Variants in NKAIN2 observed in about 807,000 individuals in gnomAD.
NKAIN2 encodes sodium/potassium transporting ATPase interacting 2, also known as sodium/potassium-transporting ATPase subunit beta-1-interacting protein 2.
In NKAIN2, 14 loss-of-function variants were observed where a neutral mutation model predicts 32.6. The observed-to-expected ratio is 0.43, with a 90% CI of 0.28 to 0.67. The LOEUF is 0.67. NKAIN2 is among the 30% of genes least tolerant of loss of function. The probability of loss-of-function intolerance (pLI) is 0.17; values close to 1 mark genes in which losing one functional copy is unlikely to be tolerated. For synonymous variants in NKAIN2, 80 were observed against 87.2 expected, an observed-to-expected ratio of 0.92 and a Z score of 0.46; for missense variants, 198 against 258.3, an observed-to-expected ratio of 0.77 and a Z score of 1.60.
chr6:124,767,057 G>A (rs965873394), intron 4 of NKAIN2, among the ~76,000 whole-genome samples: 3 of 151,942 alleles, frequency 2.0e-5, no homozygotes, highest in Non-Finnish European at 2.9e-5. Context: ...ATCACGCCCG[G>A]GTAATTTTTT....
At position 123,904,466 on chromosome 6, in the gene NKAIN2, A is replaced by G. The variant is rs573059556; in HGVS notation, c.54+100212A>G. 2.6e-5 allele frequency among the ~76,000 whole-genome samples: 4 copies of G among 152,296 alleles called. No homozygotes were observed. In the East Asian group the frequency reaches 7.7e-4, roughly 29 times the overall value. On this transcript the variant is annotated intron_variant, in intron 1 of 6. Transcript: ENST00000368417. Reference sequence around the variant, plus strand: ...ACAGATCTGGGCCACTATGATAATCATAATACATTAGATTTACCTAATGGT... The same window carrying G: ...ACAGATCTGGGCCACTATGATAATCGTAATACATTAGATTTACCTAATGGT...
intron 1 of NKAIN2, among the ~76,000 whole-genome samples, chr6:124,089,576 A>G (rs1784335079): frequency 6.6e-6 from 1 of 151,724 alleles, no homozygotes; most frequent in Admixed American, 6.6e-5. Context: ...TGTATAATTC[A>G]TTTCTGCTTC....
chr6:123,839,307 A>G (rs952058348), intron 1 of NKAIN2, among the ~76,000 whole-genome samples: 1 of 151,974 alleles, frequency 6.6e-6, no homozygotes, highest in Non-Finnish European at 1.5e-5. Flanking sequence ...AATTTTTAGT[A>G]CTTTAAGAAA....
intron 3 of NKAIN2, among the ~76,000 whole-genome samples, chr6:124,532,759 C>A (rs1779571044): frequency 6.6e-6 from 1 of 152,212 alleles, no homozygotes. Context: ...CTAGGCTGAT[C>A]CTGGGAGCTA....
chr6:124,785,219 T>G (rs1014404555), intron 4 of NKAIN2, among the ~76,000 whole-genome samples: 1 of 152,172 alleles, frequency 6.6e-6, no homozygotes, highest in Admixed American at 6.6e-5. Flanking sequence ...CCTCCACATT[T>G]TTCAGTTCTA....
intron 3 of NKAIN2, among the ~76,000 whole-genome samples, chr6:124,447,720 A>C (rs1440166467): frequency 6.6e-6 from 1 of 152,148 alleles, no homozygotes; most frequent in Non-Finnish European, 1.5e-5. Context: ...ACTTCTGCAT[A>C]ATTGCATCCC....
chr6:124,454,158 C>T (rs2552085), intron 3 of NKAIN2, among the ~76,000 whole-genome samples: 15,420 of 149,822 alleles, frequency 0.1, 1,039 homozygotes, highest in East Asian at 0.25. Flanking sequence ...GTACATTAGA[C>T]CAAACATACA....
rs1774286372 is a variant in NKAIN2, at chr6:123,829,480, C to T, written c.54+25226C>T. Reference sequence around the variant, plus strand: ...CATGTGACATCCTGATTCAGGGTTTCTAGTCAGCAAGCAGCTTCCTACATG... The same window carrying T: ...CATGTGACATCCTGATTCAGGGTTTTTAGTCAGCAAGCAGCTTCCTACATG... On this transcript the variant is annotated intron_variant, in intron 1 of 6. Coordinates refer to ENST00000368417, the MANE Select transcript of NKAIN2 (RefSeq NM_001040214.3). Among the ~76,000 whole-genome samples the T allele has an allele frequency of 2.0e-5, 3 of 152,288 alleles. 1 individual carries two copies. Among genetic ancestry groups the T allele is most frequent in the East Asian group, 3.9e-4 (2 of 5,182 alleles).
At chr6:124,572,785 T>C (rs768511570) in intron 3 of NKAIN2, among the ~76,000 whole-genome samples, 4 of 152,216 alleles carry the variant, frequency 2.6e-5, no homozygotes, top group Non-Finnish European at 4.4e-5. Flanking sequence ...TAATTCCATA[T>C]AAATATTTCA....
intron 3 of NKAIN2, among the ~76,000 whole-genome samples, chr6:124,360,808 C>G (rs954464788): frequency 6.6e-6 from 1 of 152,072 alleles, no homozygotes; most frequent in Non-Finnish European, 1.5e-5. Context: ...CAGTGTGTAA[C>G]TTCCTGGGTT....
chr6:123,900,786 C>G (rs1472348106), intron 1 of NKAIN2, among the ~76,000 whole-genome samples: 3 of 151,930 alleles, frequency 2.0e-5, no homozygotes, highest in Non-Finnish European at 2.9e-5. Flanking sequence ...CAGCTTTTCT[C>G]TTTGCAGGAC....
intron 1 of NKAIN2, among the ~76,000 whole-genome samples, chr6:123,899,350 CT>C (rs1405466765): frequency 1.3e-5 from 2 of 151,898 alleles, no homozygotes; most frequent in Non-Finnish European, 2.9e-5. Context: ...ATTTTCTTTC[CT>C]TTTCTTTTGT....
chr6:124,090,406 A>G (rs1784363820), intron 1 of NKAIN2, among the ~76,000 whole-genome samples: 1 of 152,052 alleles, frequency 6.6e-6, no homozygotes, highest in Non-Finnish European at 1.5e-5. Flanking sequence ...TTCTGACTGC[A>G]GTCATTTTGG....
intron 1 of NKAIN2, among the ~76,000 whole-genome samples, chr6:124,001,942 T>C (rs917719925): frequency 2.0e-5 from 3 of 151,696 alleles, no homozygotes; most frequent in African/African-American, 7.3e-5. Flanking sequence ...ATCATAATCA[T>C]TGTTAATTTA....
intron 3 of NKAIN2, among the ~76,000 whole-genome samples, chr6:124,596,664 G>GTGTGTA (rs772566751): frequency 2.4e-4 from 1 of 4,186 alleles, no homozygotes; most frequent in African/African-American, 3.1e-4. Context: ...AAACCATAGG[G>GTGTGTA]TGTGTGTGTG....
chr6:124,479,223 G>C (rs769402406), intron 3 of NKAIN2, among the ~76,000 whole-genome samples: 1 of 151,928 alleles, frequency 6.6e-6, no homozygotes, highest in Non-Finnish European at 1.5e-5. Context: ...AAGAATAGTA[G>C]GTAAAAACTA....
At chr6:124,234,842 C>T (rs960149719) in intron 1 of NKAIN2, among the ~76,000 whole-genome samples, 22 of 152,174 alleles carry the variant, frequency 1.4e-4, no homozygotes, top group South Asian at 6.2e-4. Context: ...ATGAATAGTG[C>T]GAAGTTTTCC....
At chr6:124,130,790 T>A (rs1486309514) in intron 1 of NKAIN2, among the ~76,000 whole-genome samples, 1 of 152,220 alleles carries the variant, frequency 6.6e-6, no homozygotes, top group African/African-American at 2.4e-5. Context: ...ATAAAGTAAT[T>A]ACCTGGAGAG....
chr6:124,335,945 T>C (rs1797842991), intron 2 of NKAIN2, among the ~76,000 whole-genome samples: 1 of 152,212 alleles, frequency 6.6e-6, no homozygotes, highest in Admixed American at 6.5e-5. Context: ...TAAAATCTAA[T>C]ATTTACTTAG....
Sources: allele counts gnomAD v4.1 joint callset (sites outside exome capture counted in the v4.1 genomes callset), GRCh38; gene constraint gnomAD v4.1.1; transcripts MANE v1.5; gene names NCBI Gene and HGNC (gene_info 2026-07-23, HGNC 2026-07-21).